Variants in GOLM1 observed in about 807,000 individuals in gnomAD.
GOLM1 encodes the protein epididymis luminal protein 46.
GOLM1 carries 31 observed loss-of-function variants against 50.5 expected under a neutral mutation model. The ratio of observed to expected loss-of-function variants is 0.61; its 90% CI spans 0.46 to 0.83. The LOEUF is 0.83. GOLM1 is among the 40% of genes least tolerant of loss of function. The probability of loss-of-function intolerance (pLI) is 0.00; values close to 1 mark genes in which losing one functional copy is unlikely to be tolerated. For missense variants in GOLM1, 491 were observed against 501.3 expected (o/e 0.98, Z 0.20); for synonymous variants, 178 against 192.8 (o/e 0.92, Z 0.64).
Position 86,036,547 on chromosome 9 carries a change from CTG to C in GOLM1, c.598-42_598-41del, listed in dbSNP as rs112889907. The C allele has an allele frequency of 2.3e-5, 37 of 1,603,358 alleles. 1 individual carries two copies. The African/African-American group carries it at 2.6e-4, about 11-fold the overall frequency. The stretch of plus-strand genomic sequence containing the variant: ...CAGGACAGCCAGCCAGGGCAGGGCT[CTG>C]TGAACAGAAGCCGTAAAAGAATCCT... On this transcript the variant is annotated intron_variant, in intron 6 of 9. Transcript: ENST00000388712.
At chr9:86,085,029 A>AGAGT (rs1253479472) in intron 1 of GOLM1, 2 of 149,180 alleles carry the variant, frequency 1.3e-5, no homozygotes, top group Non-Finnish European at 3.0e-5. Flanking sequence ...TGGGGGCAAC[A>AGAGT]GAGTGAGACT....
chr9:86,077,681 C>T (rs947655434), intron 2 of GOLM1, 90 bp from the exon 3 acceptor site: 2 of 856,340 alleles, frequency 2.3e-6, no homozygotes. Context: ...CACCTTGGGG[C>T]CCAGGGCCAG....
intron 3 of GOLM1, among the ~76,000 whole-genome samples, chr9:86,067,924 T>C (rs752032674): frequency 6.6e-6 from 1 of 152,068 alleles, no homozygotes; most frequent in Non-Finnish European, 1.5e-5. Context: ...GAGAATGACT[T>C]GAACCTGGAA....
chr9:86,077,649 C>T, intron 2 of GOLM1, 58 bp from the exon 3 acceptor site: 2 of 1,272,964 alleles, frequency 1.6e-6, no homozygotes, highest in South Asian at 2.4e-5. Flanking sequence ...GCCTGGACCA[C>T]CTGAGCGCCC....
intron 3 of GOLM1, among the ~76,000 whole-genome samples, chr9:86,056,818 T>A (rs1473876958): frequency 6.6e-6 from 1 of 152,016 alleles, no homozygotes; most frequent in Non-Finnish European, 1.5e-5. Flanking sequence ...AAAAATTTTT[T>A]AAGAGACAGT....
intron 3 of GOLM1, among the ~76,000 whole-genome samples, chr9:86,062,944 A>G (rs929556734): frequency 1.6e-4 from 24 of 152,116 alleles, no homozygotes; most frequent in African/African-American, 5.8e-4. Context: ...ATCTTTCTGA[A>G]GGTCTCCTCA....
intron 5 of GOLM1, among the ~76,000 whole-genome samples, chr9:86,045,796 T>C (rs116021166): frequency 0.027 from 4,148 of 152,208 alleles, 188 homozygotes; most frequent in African/African-American, 0.093. Context: ...AACTTGGGCA[T>C]GGACTGGAGA....
chr9:86,055,991 C>CAACA (rs1554784793), intron 3 of GOLM1, among the ~76,000 whole-genome samples: 1 of 151,102 alleles, frequency 6.6e-6, no homozygotes, highest in East Asian at 1.9e-4. Context: ...AAAAACAAAC[C>CAACA]AAAAACACTT....
Position 86,026,285 on chromosome 9 carries a change from T to A in GOLM1, c.*1532A>T, listed in dbSNP as rs1032196202. On this transcript the variant is annotated 3_prime_UTR_variant, in exon 10 of 10. Coordinates refer to ENST00000388712, the MANE Select transcript of GOLM1 (RefSeq NM_016548.4). ...ACTCAAAGTGAGGCTGGAAGAGGACTTAGAAGAGTATGAAAGTACTCTAAG... is the reference window on the plus strand; with the variant it reads ...ACTCAAAGTGAGGCTGGAAGAGGACATAGAAGAGTATGAAAGTACTCTAAG... 3 of 985,082 alleles carry A rather than the reference T, an allele frequency of 3.0e-6. No homozygotes were observed. In the African/African-American group the frequency reaches 5.2e-5, roughly 17 times the overall value. 61.0% of individuals were successfully genotyped at this position (985,082 alleles called of 1,614,324 possible).
At chr9:86,037,887 G>A (rs7856831) in intron 6 of GOLM1, among the ~76,000 whole-genome samples, 3,006 of 152,012 alleles carry the variant, frequency 0.02, 111 homozygotes, top group African/African-American at 0.068. Context: ...AGGCGTGGTG[G>A]CTAATGCCTG....
At chr9:86,095,501 G>C (rs957404929) in intron 1 of GOLM1, among the ~76,000 whole-genome samples, 4 of 151,818 alleles carry the variant, frequency 2.6e-5, no homozygotes, top group African/African-American at 7.3e-5. Flanking sequence ...GCCCACCTCA[G>C]CCTCCCAAAG....
intron 1 of GOLM1, among the ~76,000 whole-genome samples, chr9:86,097,894 A>G (rs1835402005): frequency 6.6e-6 from 1 of 152,178 alleles, no homozygotes; most frequent in African/African-American, 2.4e-5. Context: ...AACAACAACA[A>G]CAGCGGGTGG....
At chr9:86,071,588 C>A (rs1322867046) in intron 3 of GOLM1, among the ~76,000 whole-genome samples, 4 of 151,620 alleles carry the variant, frequency 2.6e-5, no homozygotes, top group Non-Finnish European at 5.9e-5. Flanking sequence ...CTGTGAGAAA[C>A]GCTGTGAGGT....
chr9:86,031,449 G>T (rs1436343624), intron 9 of GOLM1, among the ~76,000 whole-genome samples: 1 of 79,542 alleles, frequency 1.3e-5, no homozygotes, highest in African/African-American at 4.5e-5. Context: ...TACCACTGAG[G>T]TTTTTTTTTT....
intron 4 of GOLM1, among the ~76,000 whole-genome samples, chr9:86,048,145 T>C (rs112032639): frequency 6.6e-6 from 1 of 151,482 alleles, no homozygotes; most frequent in Non-Finnish European, 1.5e-5. Context: ...GTCCTTGTGA[T>C]AGTTTGCTCA....
At chr9:86,034,801 A>AT (rs1833083880) in intron 8 of GOLM1, among the ~76,000 whole-genome samples, 1 of 152,186 alleles carries the variant, frequency 6.6e-6, no homozygotes, top group Non-Finnish European at 1.5e-5. Context: ...GACATTTTCC[A>AT]TATCTGAAGG....
At chr9:86,029,287 C>T (rs1468242084) in intron 9 of GOLM1, among the ~76,000 whole-genome samples, 6 of 152,154 alleles carry the variant, frequency 3.9e-5, no homozygotes, top group Non-Finnish European at 8.8e-5. Flanking sequence ...AGAAAATGGA[C>T]AGTATCAAGT....
At chr9:86,040,926 C>T (rs1348210521) in intron 5 of GOLM1, 58 bp from the exon 6 acceptor site, 19 of 1,540,416 alleles carry the variant, frequency 1.2e-5, no homozygotes, top group Admixed American at 5.6e-5. Flanking sequence ...CTCTGCTGGA[C>T]GGTGACATCC....
chr9:86,028,594 C>T (rs1832862203), intron 9 of GOLM1, among the ~76,000 whole-genome samples: 1 of 152,216 alleles, frequency 6.6e-6, no homozygotes, highest in East Asian at 1.9e-4. Flanking sequence ...TGCGATAAGG[C>T]AGAGGGTCTA....
Sources: allele counts gnomAD v4.1 joint callset (sites outside exome capture counted in the v4.1 genomes callset), GRCh38; gene constraint gnomAD v4.1.1; transcripts MANE v1.5; gene names NCBI Gene and HGNC (gene_info 2026-07-23, HGNC 2026-07-21).